BLNK: variants seen among roughly 807,000 people sequenced by gnomAD.
BLNK encodes B-cell linker protein.
In BLNK, 29 loss-of-function variants were observed where a neutral mutation model predicts 73.5. The observed-to-expected ratio is 0.39, with a 90% CI of 0.29 to 0.54. The LOEUF is 0.54. Ranked by LOEUF, BLNK falls within the 20% of genes least tolerant of loss-of-function variation. The pLI is 0.61. For missense variants in BLNK, 460 were observed against 562.8 expected (o/e 0.82, Z 1.85); for synonymous variants, 176 against 200.8 (o/e 0.88, Z 1.04).
chr10:96,190,056 A>C lies in BLNK; in HGVS notation c.*1917T>G. 1.2e-6 allele frequency: 1 copy of C among 819,724 alleles called. No individual in the cohort carries two copies. The highest frequency in any genetic ancestry group is 1.3e-5 in the South Asian group (1 of 75,566). The allele number at this position is 819,724 out of a possible 1,614,324, so 50.8% of individuals were successfully genotyped here. A position where few individuals can be genotyped will look rare whatever the true frequency, so the allele number is the denominator to read the frequency against. ...CCTCTGCTTCAACAATGTGCAGTTC[A>C]TCCTTTGCACCAGCCCCTAAACTGA... On this transcript the variant is annotated 3_prime_UTR_variant, in exon 17 of 17. Coordinates refer to ENST00000224337, the MANE Select transcript of BLNK (RefSeq NM_013314.4).
chr10:96,195,020 C>G (rs1456622236), intron 16 of BLNK, among the ~76,000 whole-genome samples: 1 of 151,878 alleles, frequency 6.6e-6, no homozygotes, highest in Non-Finnish European at 1.5e-5. Context: ...CCGCCCGTCT[C>G]GGCCTCCCAA....
Position 96,223,966 on chromosome 10 carries a change from A to G in BLNK, c.385T>C (p.Ser129Pro). The change falls in exon 6 of 17, where the codon TCC becomes CCC. Residue 129 changes from serine (S) to proline (P), a missense_variant. Around this residue, in one of 3 missense-constraint regions of BLNK, gnomAD observed 139 missense variants for 187.3 expected, o/e 0.74. Transcript: ENST00000224337. ...YIDNRSSQRH[S>P]PPFSKTLPSK... ...GGAAGTGTCTTGCTGAAGGGTGGGGAATGCCTCTGGCTTGATCGATTGTCT... is the reference window on the plus strand; with the variant it reads ...GGAAGTGTCTTGCTGAAGGGTGGGGGATGCCTCTGGCTTGATCGATTGTCT... The G allele has an allele frequency of 6.2e-7, 1 of 1,613,074 alleles. No individual in the cohort carries two copies. The highest frequency in any genetic ancestry group is 8.5e-7 in the Non-Finnish European group (1 of 1,180,018).
At chr10:96,205,550 T>C (rs2083776298) in intron 11 of BLNK, among the ~76,000 whole-genome samples, 1 of 152,226 alleles carries the variant, frequency 6.6e-6, no homozygotes, top group South Asian at 2.1e-4. Context: ...TTCAAACCTC[T>C]ATGTTAGATG....
intron 1 of BLNK, among the ~76,000 whole-genome samples, chr10:96,261,707 A>G (rs981277710): frequency 3.3e-5 from 5 of 152,164 alleles, no homozygotes; most frequent in Non-Finnish European, 7.4e-5. Flanking sequence ...ATTTTTTTCA[A>G]TGATTTTATA....
chr10:96,257,334 G>A (rs905022482), intron 1 of BLNK, among the ~76,000 whole-genome samples: 10 of 152,138 alleles, frequency 6.6e-5, no homozygotes, highest in African/African-American at 2.4e-4. Context: ...GGAGGATCTC[G>A]GCCTGGGACA....
At chr10:96,224,136 G>T in intron 5 of BLNK, 147 bp from the exon 6 acceptor site, 1 of 933,222 alleles carries the variant, frequency 1.1e-6, no homozygotes, top group Non-Finnish European at 1.6e-6. Context: ...AGAGTAAAGT[G>T]AAATGTTAGG....
chr10:96,229,751 C>T (rs72811025), intron 4 of BLNK, among the ~76,000 whole-genome samples: 2,490 of 151,940 alleles, frequency 0.016, 30 homozygotes, highest in Non-Finnish European at 0.025. Context: ...CAGGGAGCTG[C>T]GGCTGCTGGG....
Position 96,207,031 on chromosome 10 carries a change from T to G in BLNK, c.797A>C (p.Asn266Thr). The part of the protein sequence containing the change: ...LKTTPVASQQ[N>T]ASSVCEEKPI... ...TTTACCTTCACAAACACTTGAAGCA[T>G]TCTGTTGAGAGGCAACTGGAGTCTA... Residue 266 changes from asparagine (N) to threonine (T), a missense_variant, in exon 11 of 17, where the codon AAT becomes ACT. Coordinates refer to ENST00000224337, the MANE Select transcript of BLNK (RefSeq NM_013314.4). 1 of 1,614,086 alleles carries G rather than the reference T, an allele frequency of 6.2e-7. No individual in the cohort carries two copies. Among genetic ancestry groups the G allele is most frequent in the South Asian group, 1.1e-5 (1 of 91,078 alleles).
intron 15 of BLNK, among the ~76,000 whole-genome samples, chr10:96,197,699 A>G (rs1444289878): frequency 6.6e-6 from 1 of 152,248 alleles, no homozygotes; most frequent in African/African-American, 2.4e-5. Context: ...CTGGACTAAA[A>G]TCTTGGGTCA....
chr10:96,204,002 C>G (rs2083727292), intron 13 of BLNK, 55 bp downstream of exon 13: 1 of 1,504,978 alleles, frequency 6.6e-7, no homozygotes, highest in Admixed American at 1.7e-5. Context: ...CTATCAGACT[C>G]TAGGATCCAG....
In BLNK at chr10:96,271,466, T is replaced by C. The variant is rs1554915779; in HGVS notation, c.-68A>G. On this transcript the variant is annotated 5_prime_UTR_variant, in exon 1 of 17. Coordinates refer to ENST00000224337, the MANE Select transcript of BLNK (RefSeq NM_013314.4). ...TCACGTCAGCAGTTCCTGGCCCTCC[T>C]AGGGAGCAGCATGGTAAGCCTCTGG... 1 of 1,525,132 alleles carries C rather than the reference T, an allele frequency of 6.6e-7. No individual in the cohort carries two copies. Among genetic ancestry groups the C allele is most frequent in the South Asian group, 1.1e-5 (1 of 89,318 alleles). The allele number at this position is 1,525,132 out of a possible 1,614,324, so 94.5% of individuals were successfully genotyped here. A position where few individuals can be genotyped will look rare whatever the true frequency, so the allele number is the denominator to read the frequency against.
chr10:96,206,978 G>A, intron 11 of BLNK, 33 bp downstream of exon 11: 4 of 1,602,000 alleles, frequency 2.5e-6, no homozygotes, highest in Non-Finnish European at 3.4e-6. Flanking sequence ...ACTTTTAGAG[G>A]ACATGCTCAT....
At chr10:96,254,057 G>GA (rs797028102) in intron 1 of BLNK, among the ~76,000 whole-genome samples, 94 of 145,810 alleles carry the variant, frequency 6.4e-4, no homozygotes, top group East Asian at 1.6e-3. Context: ...TAAAAAAAAG[G>GA]AAAAAAAAAA....
intron 2 of BLNK, among the ~76,000 whole-genome samples, chr10:96,245,744 A>T (rs1283094116): frequency 2.0e-5 from 3 of 152,206 alleles, no homozygotes; most frequent in Admixed American, 6.5e-5. Context: ...ACCATTTATG[A>T]CGAAAATGTA....
Position 96,200,400 on chromosome 10 carries a change from A to G in BLNK, c.1012-242T>C, listed in dbSNP as rs1418235162. Among the ~76,000 whole-genome samples, 4 of 152,082 alleles carry G rather than the reference A, an allele frequency of 2.6e-5. No homozygotes were observed. Among genetic ancestry groups the G allele is most frequent in the Non-Finnish European group, 4.4e-5 (3 of 68,010 alleles). ...CTGAATTATTTCTTTCTTTCTCCTA[A>G]ATAAGTAATAATCCCCCTTTCCATT... On this transcript the variant is annotated intron_variant, in intron 14 of 16. Transcript: ENST00000224337. This position sits in a 1 kb window ranked among gnomAD's most constrained non-coding sequence, Gnocchi z 4.3.
At chr10:96,219,594 A>G (rs1413677601) in intron 6 of BLNK, among the ~76,000 whole-genome samples, 3 of 152,174 alleles carry the variant, frequency 2.0e-5, no homozygotes, top group Non-Finnish European at 2.9e-5. Flanking sequence ...CCACTTCAAA[A>G]TGTATTCTTT....
intron 1 of BLNK, among the ~76,000 whole-genome samples, chr10:96,257,540 A>T (rs1554911529): frequency 6.6e-6 from 1 of 152,270 alleles, no homozygotes. Flanking sequence ...CCTGAGACAA[A>T]GTAAATCAGC....
intron 1 of BLNK, among the ~76,000 whole-genome samples, chr10:96,247,406 A>G (rs1232898203): frequency 6.6e-6 from 1 of 152,214 alleles, no homozygotes; most frequent in Admixed American, 6.5e-5. Context: ...ATCAGGCCCA[A>G]GGTTCTTTTT....
rs1184541485 is a variant in BLNK, at chr10:96,190,269, G to A, written c.*1704C>T. 7 of 708,196 alleles carry A rather than the reference G, an allele frequency of 9.9e-6. No individual in the cohort carries two copies. The highest frequency in any genetic ancestry group is 7.9e-5 in the East Asian group (3 of 38,132). 43.9% of individuals were successfully genotyped at this position (708,196 alleles called of 1,614,324 possible). A position where few individuals can be genotyped will look rare whatever the true frequency, so the allele number is the denominator to read the frequency against. The stretch of plus-strand genomic sequence containing the variant: ...GGAGAGAAAGCAGACGGAGATAAAC[G>A]ACCACTGCTCAAGAGAACAGCCATA... On this transcript the variant is annotated 3_prime_UTR_variant, in exon 17 of 17. Coordinates refer to ENST00000224337, the MANE Select transcript of BLNK (RefSeq NM_013314.4).
Sources: gnomAD v4.1 joint callset for allele counts (sites outside exome capture counted in the v4.1 genomes callset) on GRCh38, gnomAD v4.1.1 for gene constraint, gnomAD v4.1.1 regional missense constraint, Gnocchi (gnomAD v3.1) non-coding constraint, MANE v1.5 for transcripts, NCBI Gene and HGNC (gene_info 2026-07-23, HGNC 2026-07-21) for gene names.